The following ZNF257 variants were observed in gnomAD, a reference collection of about 807,000 sequenced individuals.
ZNF257 encodes the protein bone marrow zinc finger 4.
In ZNF257, 12 loss-of-function variants were observed where a neutral mutation model predicts 11.9. The ratio of observed to expected loss-of-function variants is 1.01; its 90% CI spans 0.65 to 1.63. The LOEUF is 1.63. Among genes scored for constraint, ZNF257 ranks in the 40% most tolerant of loss-of-function variants. The probability of loss-of-function intolerance (pLI) is 0.00; values close to 1 mark genes in which losing one functional copy is unlikely to be tolerated. For synonymous variants in ZNF257, 183 were observed against 222.7 expected (o/e 0.82, Z 1.59); for missense variants, 580 against 665.5 (o/e 0.87, Z 1.41).
chr19:22,056,033 C>A (rs1417899755), intron 1 of ZNF257, among the ~76,000 whole-genome samples: 2 of 119,426 alleles, frequency 1.7e-5, no homozygotes, highest in Non-Finnish European at 3.2e-5. Context: ...CCAGCCTGGG[C>A]GACAGAGCGA....
At chr19:22,087,552 G>T in intron 3 of ZNF257, 1 of 1,229,884 alleles carries the variant, frequency 8.1e-7, no homozygotes. Context: ...ATGGGAGAAT[G>T]AAACCAGTGT....
chr19:22,075,241 G>C (rs1339368144), intron 3 of ZNF257: 1 of 170,464 alleles, frequency 5.9e-6, no homozygotes, highest in East Asian at 1.8e-4. Context: ...TGCTCTGTAG[G>C]GCAGACACTA....
At chr19:22,081,885 GTTA>G (rs1162461299) in intron 3 of ZNF257, among the ~76,000 whole-genome samples, 1 of 151,838 alleles carries the variant, frequency 6.6e-6, no homozygotes, top group Non-Finnish European at 1.5e-5. Flanking sequence ...CAGTTTTATT[GTTA>G]TTGTTTTATG....
intron 3 of ZNF257, among the ~76,000 whole-genome samples, chr19:22,078,327 A>T (rs1222489969): frequency 6.6e-6 from 1 of 151,652 alleles, no homozygotes; most frequent in Non-Finnish European, 1.5e-5. Context: ...TTCTCTACAA[A>T]ATAGTTATTT....
rs779341244 is a variant in ZNF257, at chr19:22,088,740, C to A, written c.990C>A (p.Ala330=). Residue 330 remains alanine, a synonymous_variant, in exon 4 of 4, where the codon GCC becomes GCA. Transcript: ENST00000594947. The part of the protein sequence containing the change: ...ECGKAFNQSS[A]LTRHKMIHTG... ...GCAAAGCCTTTAACCAGTCCTCAGC[C>A]CTTACTCGACATAAGATGATTCATA... is the stretch of plus-strand genomic sequence containing the variant. The A allele has an allele frequency of 2.5e-5, 41 of 1,609,900 alleles. No individual in the cohort carries two copies. The highest frequency in any genetic ancestry group is 3.3e-5 in the Non-Finnish European group (39 of 1,179,016).
At chr19:22,058,361 T>C (rs2021699442) in intron 1 of ZNF257, among the ~76,000 whole-genome samples, 2 of 152,188 alleles carry the variant, frequency 1.3e-5, no homozygotes, top group Admixed American at 1.3e-4. Flanking sequence ...TATGTTGTTT[T>C]GCTTGTTAGT....
intron 1 of ZNF257, among the ~76,000 whole-genome samples, chr19:22,053,303 G>A (rs1274650126): frequency 1.4e-5 from 2 of 142,772 alleles, no homozygotes; most frequent in East Asian, 4.3e-4. Context: ...GGAAGTCAGA[G>A]GTTGCAGTGA....
At chr19:22,056,477 A>ATT (rs1470428510) in intron 1 of ZNF257, among the ~76,000 whole-genome samples, 3 of 90,672 alleles carry the variant, frequency 3.3e-5, no homozygotes, top group African/African-American at 1.2e-4. Context: ...TGAATTTAGA[A>ATT]ATTTTTTTTT....
intron 3 of ZNF257, chr19:22,087,486 C>G (rs2022500673): frequency 9.9e-7 from 1 of 1,006,962 alleles, no homozygotes. Flanking sequence ...CCTTTGGTCT[C>G]AGCAGTCTCA....
chr19:22,054,075 C>CT (rs747135550), intron 1 of ZNF257, among the ~76,000 whole-genome samples: 5,362 of 88,116 alleles, frequency 0.061, 102 homozygotes, highest in African/African-American at 0.078. Flanking sequence ...ATTTGTTTTT[C>CT]TTTTTTTTTT....
At chr19:22,086,626 C>G (rs2022482909) in intron 3 of ZNF257, among the ~76,000 whole-genome samples, 1 of 151,250 alleles carries the variant, frequency 6.6e-6, no homozygotes, top group South Asian at 2.1e-4. Flanking sequence ...TATACTGTCT[C>G]GGGATTTGGT....
At chr19:22,073,043 T>C in intron 2 of ZNF257, 108 bp downstream of exon 2, 1 of 1,282,876 alleles carries the variant, frequency 7.8e-7, no homozygotes, top group Non-Finnish European at 1.0e-6. Flanking sequence ...TTTTTGATAA[T>C]TATGTTTTGC....
chr19:22,084,160 C>T (rs2022422185), intron 3 of ZNF257, among the ~76,000 whole-genome samples: 1 of 149,076 alleles, frequency 6.7e-6, no homozygotes, highest in South Asian at 2.1e-4. Flanking sequence ...AAAAAGAAAA[C>T]TGAGTGATGT....
rs988873668 is a variant in ZNF257, at chr19:22,052,553, G to C, written c.-80G>C. On this transcript the variant is annotated 5_prime_UTR_variant, in exon 1 of 4. Transcript: ENST00000594947. The stretch of plus-strand genomic sequence containing the variant: ...TGGTCTGTGTCCTCTTCTCCTAGGG[G>C]CCCAGCCTCTGTGGCCCTGTGACCT... 1 of 1,545,506 alleles carries C rather than the reference G, an allele frequency of 6.5e-7. No homozygotes were observed. Among genetic ancestry groups the C allele is most frequent in the Non-Finnish European group, 8.9e-7 (1 of 1,126,626 alleles).
intron 3 of ZNF257, among the ~76,000 whole-genome samples, chr19:22,077,846 T>A (rs564528206): frequency 2.6e-5 from 4 of 151,972 alleles, no homozygotes; most frequent in African/African-American, 9.7e-5. Context: ...TTTATAACAT[T>A]TTAAAATAAT....
At chr19:22,055,251 G>A (rs978370383) in intron 1 of ZNF257, among the ~76,000 whole-genome samples, 2 of 152,098 alleles carry the variant, frequency 1.3e-5, no homozygotes, top group African/African-American at 4.8e-5. Flanking sequence ...CTGTTGCCGA[G>A]GCTGGAGTGC....
intron 3 of ZNF257, chr19:22,087,678 G>A: frequency 1.3e-6 from 1 of 782,848 alleles, no homozygotes; most frequent in Non-Finnish European, 1.7e-6. Context: ...TTATACTGAG[G>A]AGAAGGAAGT....
Position 22,088,414 on chromosome 19 carries a change from A to G in ZNF257, c.664A>G (p.Thr222Ala), listed in dbSNP as rs191409527. Reference sequence around the variant, plus strand: ...CTCAGCTCTTACTCGACATAAGATGACTCATACTGGAGAGAAACCCTACAA... The same window carrying G: ...CTCAGCTCTTACTCGACATAAGATGGCTCATACTGGAGAGAAACCCTACAA... ...QSSALTRHKM[T>A]HTGEKPYKCE... Residue 222 changes from threonine to alanine, a missense_variant, in exon 4 of 4, where the codon ACT (threonine) becomes GCT (alanine). Physicochemically the swap from Thr to Ala is moderately conservative, Grantham distance 58 (BLOSUM62 0). Transcript: ENST00000594947. 3.5e-4 allele frequency: 569 copies of G among 1,613,834 alleles called. 6 individuals are homozygous for G. In the African/African-American group the frequency reaches 6.7e-3, roughly 19 times the overall value.
At chr19:22,058,272 A>ATT (rs141989816) in intron 1 of ZNF257, among the ~76,000 whole-genome samples, 2,755 of 146,474 alleles carry the variant, frequency 0.019, 23 homozygotes, top group Middle Eastern at 0.027. Flanking sequence ...TTCCCCACCT[A>ATT]TTTTTTTTTT....
Sources: allele counts gnomAD v4.1 joint callset (sites outside exome capture counted in the v4.1 genomes callset), GRCh38; gene constraint gnomAD v4.1.1; transcripts MANE v1.5; gene names NCBI Gene and HGNC (gene_info 2026-07-23, HGNC 2026-07-21).